Variants in LTBP1 observed in about 807,000 individuals in gnomAD.
LTBP1 encodes latent-transforming growth factor beta-binding protein 1.
Under a neutral mutation model 207.6 loss-of-function variants are expected in LTBP1, and 129 were observed. The ratio of observed to expected loss-of-function variants is 0.62; its 90% confidence interval spans 0.54 to 0.72. LTBP1 has a LOEUF of 0.72. LTBP1 is among the 30% of genes least tolerant of loss of function. LTBP1 has a pLI of 0.00. For synonymous variants in LTBP1, 963 were observed against 833.7 expected (o/e 1.16, Z -2.67); for missense variants, 2,281 against 2,217.2 (o/e 1.03, Z -0.58).
chr2:33,367,935 C>A (rs755926886), intron 31 of LTBP1, among the ~76,000 whole-genome samples: 2 of 152,168 alleles, frequency 1.3e-5, no homozygotes, highest in African/African-American at 2.4e-5. Flanking sequence ...CATCTTTTGG[C>A]CGTGCGCGGT....
At chr2:33,395,043 AC>A (rs1268972457) in intron 32 of LTBP1, among the ~76,000 whole-genome samples, 2 of 152,062 alleles carry the variant, frequency 1.3e-5, no homozygotes, top group Non-Finnish European at 2.9e-5. Flanking sequence ...GTGTATATGT[AC>A]CATATTTTCT....
chr2:33,218,156 A>G (rs1006956759), intron 8 of LTBP1, among the ~76,000 whole-genome samples: 1 of 152,206 alleles, frequency 6.6e-6, no homozygotes, highest in African/African-American at 2.4e-5. Context: ...TAAAAGAGAA[A>G]TTTATAATCA....
intron 5 of LTBP1, among the ~76,000 whole-genome samples, chr2:33,149,247 A>T (rs1178602158): frequency 1.3e-5 from 2 of 149,598 alleles, no homozygotes; most frequent in African/African-American, 4.9e-5. Flanking sequence ...AAAAAAAAAA[A>T]AAAAAAAAGA....
intron 12 of LTBP1, among the ~76,000 whole-genome samples, chr2:33,259,313 T>C (rs1174305240): frequency 6.6e-6 from 1 of 152,242 alleles, no homozygotes; most frequent in Non-Finnish European, 1.5e-5. Flanking sequence ...AGTATTGCCT[T>C]CTTCTTTTAA....
In LTBP1 at chr2:33,342,950, G is replaced by A. The variant is rs756536580; in HGVS notation, c.3843G>A (p.Gly1281=). The change falls in exon 25 of 34, where the codon GGG becomes GGA. Residue 1281 remains glycine (G), a synonymous_variant. Coordinates refer to ENST00000404816, the MANE Select transcript of LTBP1 (RefSeq NM_206943.4). The part of the protein sequence containing the change: ...CYQGFQAPQD[G]QGCVDVNECE... Reference sequence around the variant, plus strand: ...AGGGCTTTCAAGCCCCACAGGATGGGCAAGGGTGTGTGGGTGAGTTTTTAG... The same window carrying A: ...AGGGCTTTCAAGCCCCACAGGATGGACAAGGGTGTGTGGGTGAGTTTTTAG... 3 of 1,613,364 alleles carry A rather than the reference G, an allele frequency of 1.9e-6. No homozygotes were observed. In the South Asian group the frequency reaches 3.3e-5, roughly 18 times the overall value.
At chr2:33,213,405 C>T (rs908737375) in intron 7 of LTBP1, among the ~76,000 whole-genome samples, 2 of 152,134 alleles carry the variant, frequency 1.3e-5, no homozygotes, top group Admixed American at 6.5e-5. Context: ...TCAATCTGTG[C>T]GTAAAAATAT....
At chr2:33,164,339 G>T in intron 5 of LTBP1, among the ~76,000 whole-genome samples, 1 of 102,400 alleles carries the variant, frequency 9.8e-6, no homozygotes, top group African/African-American at 3.9e-5. Context: ...GACAGAGCAA[G>T]ACTTCCTCTC....
intron 15 of LTBP1, 111 bp from the exon 16 acceptor site, chr2:33,273,545 C>A: frequency 1.4e-6 from 1 of 699,100 alleles, no homozygotes; most frequent in Non-Finnish European, 2.2e-6. Flanking sequence ...AAATGTAGAG[C>A]TGGCAATAAT....
At chr2:33,377,424 T>G (rs1400119638) in intron 31 of LTBP1, among the ~76,000 whole-genome samples, 1 of 152,226 alleles carries the variant, frequency 6.6e-6, no homozygotes, top group Non-Finnish European at 1.5e-5. Flanking sequence ...CATGAGCACT[T>G]CTGAAATTTT....
intron 3 of LTBP1, among the ~76,000 whole-genome samples, chr2:33,077,473 G>A (rs425928): frequency 0.75 from 114,738 of 152,110 alleles, 45,478 homozygotes; most frequent in East Asian, 0.98. Context: ...CGTGGCAGAA[G>A]GCAAAGTCAG....
At position 33,370,386 on chromosome 2, in the gene LTBP1, C is replaced by T. The variant is rs181464207; in HGVS notation, c.4711+4883C>T. On this transcript the variant is annotated intron_variant, in intron 31 of 33. Transcript: ENST00000404816. ...TAAACATTAATGGGCATGTCAGTTA[C>T]CTGGGGGAGCTTATCAAAAAACAGA... is the stretch of plus-strand genomic sequence containing the variant. Among the ~76,000 whole-genome samples, 486 of 152,232 alleles carry T rather than the reference C, an allele frequency of 3.2e-3. 1 individual carries two copies. The highest frequency in any genetic ancestry group is 0.011 in the African/African-American group (472 of 41,518).
chr2:33,396,582 G>T (rs1448306041), intron 32 of LTBP1, among the ~76,000 whole-genome samples: 1 of 152,134 alleles, frequency 6.6e-6, no homozygotes, highest in Non-Finnish European at 1.5e-5. Flanking sequence ...CCCTTTTACT[G>T]AATTTTTCCT....
At chr2:33,260,514 G>A (rs11675702) in intron 13 of LTBP1, among the ~76,000 whole-genome samples, 18,143 of 152,142 alleles carry the variant, frequency 0.12, 1,510 homozygotes, top group African/African-American at 0.23. Flanking sequence ...ACATACATGA[G>A]TTATTTTAAA....
At chr2:33,328,798 G>T (rs2094460736) in intron 24 of LTBP1, among the ~76,000 whole-genome samples, 1 of 152,160 alleles carries the variant, frequency 6.6e-6, no homozygotes, top group Non-Finnish European at 1.5e-5. Context: ...GTACTCCTTT[G>T]TGTCTGGCTT....
intron 2 of LTBP1, among the ~76,000 whole-genome samples, chr2:32,976,972 G>C (rs962812086): frequency 6.6e-6 from 1 of 152,238 alleles, no homozygotes; most frequent in East Asian, 1.9e-4. Context: ...GACAGAAGTG[G>C]GACCATTCTG....
intron 3 of LTBP1, among the ~76,000 whole-genome samples, chr2:33,077,941 C>G (rs372108542): frequency 6.6e-6 from 1 of 152,060 alleles, no homozygotes; most frequent in Non-Finnish European, 1.5e-5. Context: ...AAGCAGGATC[C>G]GAACAGGAGG....
At chr2:33,211,331 G>T (rs1316959937) in intron 7 of LTBP1, among the ~76,000 whole-genome samples, 1 of 152,142 alleles carries the variant, frequency 6.6e-6, no homozygotes, top group African/African-American at 2.4e-5. Flanking sequence ...GAGGATGATT[G>T]GGGCCTGGAG....
Position 33,215,243 on chromosome 2 carries a change from AC to A in LTBP1, c.1702-2306del, listed in dbSNP as rs544685835. Among the ~76,000 whole-genome samples the A allele has an allele frequency of 1.7e-3, 253 of 152,150 alleles. 2 individuals are homozygous for A. The highest frequency in any genetic ancestry group is 5.9e-3 in the African/African-American group (246 of 41,492). On this transcript the variant is annotated intron_variant, in intron 7 of 33. Transcript: ENST00000404816. ...TGCCTTTTTTCTTTCATGTTTCATG[AC>A]CCTAGGAGAAAGATACTATTATGCA...
At chr2:33,004,786 A>AAATATATATATATATATATAT (rs1686542350) in intron 2 of LTBP1, among the ~76,000 whole-genome samples, 1 of 101,130 alleles carries the variant, frequency 9.9e-6, no homozygotes, top group African/African-American at 3.5e-5. Context: ...AAAAAAAAGG[A>AAATATATATATATATATATAT]ATATATATAT....
Sources: gnomAD v4.1 joint callset for allele counts (sites outside exome capture counted in the v4.1 genomes callset) on GRCh38, gnomAD v4.1.1 for gene constraint, MANE v1.5 for transcripts, NCBI Gene and HGNC (gene_info 2026-07-23, HGNC 2026-07-21) for gene names.